The following LIG1 variants were observed in gnomAD, a reference collection of about 807,000 sequenced individuals.
LIG1 encodes ligase I, DNA, ATP-dependent.
LIG1 carries 70 observed loss-of-function variants against 115.7 expected under a neutral mutation model. That is an observed-to-expected ratio of 0.60 (90% CI 0.50 to 0.74). LIG1 has a LOEUF of 0.74. Ranked by LOEUF, LIG1 falls within the 30% of genes least tolerant of loss-of-function variation. LIG1 has a pLI of 0.00. For synonymous variants in LIG1, 487 were observed against 495.3 expected (o/e 0.98, Z 0.22); for missense variants, 1,115 against 1,225.6 (o/e 0.91, Z 1.35).
intron 19 of LIG1, among the ~76,000 whole-genome samples, chr19:48,130,360 G>A (rs1187000643): frequency 6.6e-6 from 1 of 152,198 alleles, no homozygotes; most frequent in Admixed American, 6.5e-5. Context: ...ATTAGGGGCA[G>A]GCAAAGAGAA....
intron 11 of LIG1, 38 bp downstream of exon 11, chr19:48,143,505 C>T (rs372652676): frequency 1.5e-5 from 13 of 850,824 alleles, no homozygotes; most frequent in African/African-American, 1.0e-4. Flanking sequence ...GACCCAGAAG[C>T]GACCCCGCCC....
Position 48,115,886 on chromosome 19 carries a change from G to T in LIG1, c.2663C>A (p.Thr888Asn). The stretch of plus-strand genomic sequence containing the variant: ...CCAGGACCTCACCTGAGCACTGGTG[G>T]TGGCCTGCTCCGGCTGCTTGTCTTC... ...VREDKQPEQA[T>N]TSAQVACLYR... The change falls in exon 27 of 28, where the codon ACC (threonine) becomes AAC (asparagine). Residue 888 changes from threonine (T) to asparagine (N), a missense_variant. Transcript: ENST00000263274. The T allele has an allele frequency of 6.2e-7, 1 of 1,613,908 alleles. No individual in the cohort carries two copies.
rs2123018841 is a variant in LIG1 at position 48,161,231 on chromosome 19, C to T, written c.243+141G>A. The T allele has an allele frequency of 5.6e-6, 7 of 1,242,872 alleles. No homozygotes were observed. In the South Asian group the frequency reaches 8.6e-5, roughly 15 times the overall value. 77.0% of individuals were successfully genotyped at this position (1,242,872 alleles called of 1,614,324 possible). On this transcript the variant is annotated intron_variant, in intron 4 of 27. Coordinates refer to ENST00000263274, the MANE Select transcript of LIG1 (RefSeq NM_000234.3). The stretch of plus-strand genomic sequence containing the variant: ...GGCAATTAGGACCAGGTTGTGTCTG[C>T]CCCCGACACAACCAGGAAACACATC...
rs3730932 is a variant in LIG1, at chr19:48,143,968, G to T, written c.777-5C>A. On this transcript the variant is annotated splice_region_variant and splice_polypyrimidine_tract_variant and intron_variant, in intron 9 of 27. Transcript: ENST00000263274. Reference sequence around the variant, plus strand: ...TAACCAGATGGATCCAGGGGTCTACGGAGGCAAAACGGAGATTGAATTGCA... The same window carrying T: ...TAACCAGATGGATCCAGGGGTCTACTGAGGCAAAACGGAGATTGAATTGCA... 1 of 1,611,650 alleles carries T rather than the reference G, an allele frequency of 6.2e-7. No individual in the cohort carries two copies. The highest frequency in any genetic ancestry group is 1.1e-5 in the South Asian group (1 of 91,018).
chr19:48,165,861 T>C (rs2036453798), intron 1 of LIG1: 2 of 526,690 alleles, frequency 3.8e-6, no homozygotes, highest in Non-Finnish European at 6.8e-6. Context: ...AAGAAGACTG[T>C]TTTTCATCTA....
intron 19 of LIG1, among the ~76,000 whole-genome samples, chr19:48,129,508 T>TA (rs2033881455): frequency 6.6e-6 from 1 of 152,210 alleles, no homozygotes; most frequent in Admixed American, 6.5e-5. Context: ...GCAGGCCTGT[T>TA]ACACTCCCAG....
chr19:48,161,452 T>C lies in LIG1; in HGVS notation c.163A>G (p.Arg55Gly), dbSNP rs1478202640. The C allele has an allele frequency of 3.1e-6, 5 of 1,614,020 alleles. No individual in the cohort carries two copies. The highest frequency in any genetic ancestry group is 1.7e-5 in the Admixed American group (1 of 60,006). ...VVSESDSPVK[R>G]PGRKAARVLG... ...ACCCGGGCCGCCTTCCTCCCTGGCC[T>C]CTTCACCGGAGAGTCACTCTCGGAC... Residue 55 changes from arginine (R) to glycine (G), a missense_variant, in exon 4 of 28, where the codon AGG becomes GGG. Arg to Gly is a moderately radical substitution (Grantham distance 125). Transcript: ENST00000263274.
chr19:48,164,065 G>T (rs1293513792), intron 2 of LIG1, among the ~76,000 whole-genome samples: 2 of 152,048 alleles, frequency 1.3e-5, no homozygotes. Context: ...TATCTCAGTG[G>T]TGAGAAACGG....
chr19:48,156,353 T>G (rs1368096591), intron 5 of LIG1, among the ~76,000 whole-genome samples: 4 of 152,166 alleles, frequency 2.6e-5, no homozygotes, highest in Non-Finnish European at 5.9e-5. Context: ...CTGTGAGGCC[T>G]CCATCTCAGC....
intron 18 of LIG1, 136 bp from the exon 19 acceptor site, chr19:48,131,307 A>G (rs914940140): frequency 1.5e-6 from 1 of 680,180 alleles, no homozygotes; most frequent in South Asian, 1.6e-5. Flanking sequence ...ACTTGAGCGA[A>G]TCATCTCCTC....
At chr19:48,118,041 A>G (rs1448714725) in intron 25 of LIG1, among the ~76,000 whole-genome samples, 1 of 152,172 alleles carries the variant, frequency 6.6e-6, no homozygotes, top group Non-Finnish European at 1.5e-5. Flanking sequence ...GGGAGTTGGG[A>G]GGAATGGGAG....
chr19:48,165,199 C>T (rs2036411542), intron 2 of LIG1, among the ~76,000 whole-genome samples: 1 of 151,904 alleles, frequency 6.6e-6, no homozygotes, highest in Non-Finnish European at 1.5e-5. Context: ...GCGGAGGTTG[C>T]AGTGAGCCGA....
intron 6 of LIG1, 99 bp downstream of exon 6, chr19:48,153,773 C>CACACACACACAA: frequency 8.8e-6 from 3 of 339,304 alleles, no homozygotes; most frequent in African/African-American, 1.3e-4. Flanking sequence ...CACACACACA[C>CACACACACACAA]CTCTCCTTCT....
intron 5 of LIG1, 49 bp from the exon 6 acceptor site, chr19:48,154,016 T>C: frequency 6.6e-7 from 1 of 1,514,884 alleles, no homozygotes; most frequent in Non-Finnish European, 9.2e-7. Flanking sequence ...GCTCGTGTGC[T>C]CCCATCCCGG....
chr19:48,122,824 G>C lies in LIG1; in HGVS notation c.2232+110C>G. On this transcript the variant is annotated intron_variant, in intron 23 of 27. Transcript: ENST00000263274. This position sits in a 1 kb window ranked among gnomAD's most constrained non-coding sequence, Gnocchi z 4.3. ...GGGGCTGGGGTGGGATTGTGAAAAG[G>C]GGCCCTGAGCTCAGACAGGGTACAC... 3 of 983,930 alleles carry C rather than the reference G, an allele frequency of 3.0e-6. No homozygotes were observed. In the South Asian group the frequency reaches 3.8e-5, roughly 13 times the overall value. 60.9% of individuals were successfully genotyped at this position (983,930 alleles called of 1,614,324 possible).
In LIG1 at chr19:48,137,493, G is replaced by A; in HGVS notation, c.1254+29C>T. ...GCCTCAGGTCCCCAAGATGTCTGGG[G>A]TCCGGGATGAGCGGCCCGCCCCACT... is the stretch of plus-strand genomic sequence containing the variant. On this transcript the variant is annotated intron_variant, in intron 13 of 27. Coordinates refer to ENST00000263274, the MANE Select transcript of LIG1 (RefSeq NM_000234.3). The surrounding 1 kb of genome is among the most constrained non-coding windows in gnomAD (Gnocchi z 4.3). 1 of 1,608,266 alleles carries A rather than the reference G, an allele frequency of 6.2e-7. No homozygotes were observed. Among genetic ancestry groups the A allele is most frequent in the Non-Finnish European group, 8.5e-7 (1 of 1,179,884 alleles).
At chr19:48,136,875 G>A (rs1568504980) in intron 14 of LIG1, 133 bp downstream of exon 14, 4 of 763,196 alleles carry the variant, frequency 5.2e-6, no homozygotes, top group Non-Finnish European at 9.2e-6. Context: ...TTTAGGGGCT[G>A]GGCCTCCTGC....
chr19:48,140,183 A>G, intron 11 of LIG1, 40 bp from the exon 12 acceptor site: 2 of 1,355,522 alleles, frequency 1.5e-6, no homozygotes, highest in African/African-American at 1.5e-5. Context: ...TGGTTCCTCA[A>G]GGTCAAAGTG....
chr19:48,153,991 T>C, intron 5 of LIG1, 24 bp from the exon 6 acceptor site: 1 of 1,600,960 alleles, frequency 6.2e-7, no homozygotes, highest in Non-Finnish European at 8.6e-7. Flanking sequence ...GGGCTTGGTG[T>C]ATCTGACCTC....
Sources: allele counts gnomAD v4.1 joint callset (sites outside exome capture counted in the v4.1 genomes callset), GRCh38; gene constraint gnomAD v4.1.1; non-coding constraint Gnocchi (gnomAD v3.1); transcripts MANE v1.5; gene names NCBI Gene and HGNC (gene_info 2026-07-23, HGNC 2026-07-21).